Variants in SPTB observed in about 807,000 individuals in gnomAD.
SPTB encodes the protein spectrin beta chain, erythrocytic.
A neutral mutation model predicts 256.2 loss-of-function variants in SPTB; 45 were observed. The ratio of observed to expected loss-of-function variants is 0.18; its 90% CI spans 0.14 to 0.23. The LOEUF is 0.23. Ranked by LOEUF, SPTB falls within the 10% of genes least tolerant of loss-of-function variation. SPTB has a pLI of 1.00. For missense variants in SPTB, 2,715 were observed against 3,040.4 expected, an observed-to-expected ratio of 0.89 and a Z score of 2.52; for synonymous variants, 1,231 against 1,243.1, an observed-to-expected ratio of 0.99 and a Z score of 0.21.
intron 1 of SPTB, among the ~76,000 whole-genome samples, chr14:64,861,718 T>C (rs1318115457): frequency 6.6e-6 from 1 of 152,214 alleles, no homozygotes; most frequent in East Asian, 1.9e-4. Context: ...ATTCATTGTC[T>C]TCTGCTCCTC....
intron 1 of SPTB, among the ~76,000 whole-genome samples, chr14:64,839,039 G>A (rs144276373): frequency 0.017 from 2,651 of 152,062 alleles, 83 homozygotes; most frequent in African/African-American, 0.061. Context: ...AGGCTGAGGC[G>A]GAGAATTGCT....
chr14:64,833,110 C>A (rs1414089320), intron 1 of SPTB, among the ~76,000 whole-genome samples: 1 of 152,222 alleles, frequency 6.6e-6, no homozygotes, highest in Non-Finnish European at 1.5e-5. Flanking sequence ...AATACTACAT[C>A]TAGCCATAGG....
At chr14:64,768,954 C>A in intron 29 of SPTB, 80 bp downstream of exon 29, 1 of 1,156,296 alleles carries the variant, frequency 8.6e-7, no homozygotes, top group Admixed American at 1.7e-5. Context: ...TGAAAATCCA[C>A]CCATTGTGGC....
Position 64,814,138 on chromosome 14 carries a change from A to G in SPTB, c.148+8809T>C, listed in dbSNP as rs185146614. The stretch of plus-strand genomic sequence containing the variant: ...ATGCAAATGCAAGAATAAAACCCAT[A>G]AGACTGATTTTAAAGTGGTCAGAAG... On this transcript the variant is annotated intron_variant, in intron 2 of 35. Transcript: ENST00000644917. Among the ~76,000 whole-genome samples the G allele has an allele frequency of 5.3e-4, 81 of 152,356 alleles. No individual in the cohort carries two copies. In the South Asian group the frequency reaches 5.8e-3, roughly 11 times the overall value.
chr14:64,855,284 C>T (rs1239944655), intron 1 of SPTB, among the ~76,000 whole-genome samples: 2 of 152,180 alleles, frequency 1.3e-5, no homozygotes, highest in African/African-American at 2.4e-5. Flanking sequence ...CTATTCCTCT[C>T]GCAACAGGGT....
At chr14:64,774,341 G>T in intron 24 of SPTB, 56 bp downstream of exon 24, 1 of 1,542,630 alleles carries the variant, frequency 6.5e-7, no homozygotes, top group East Asian at 2.4e-5. Flanking sequence ...GTTGGCTGGT[G>T]GGCCCCTGGC....
In SPTB at chr14:64,749,597, G is replaced by C; in HGVS notation, c.6819+57C>G. 1 of 1,610,864 alleles carries C rather than the reference G, an allele frequency of 6.2e-7. No individual in the cohort carries two copies. Among genetic ancestry groups the C allele is most frequent in the Non-Finnish European group, 8.5e-7 (1 of 1,179,510 alleles). ...AGGGGGCCTCCAGGGCAAGCGGCCT[G>C]GGGTCCTCCACCTACCCCCTTCTTA... On this transcript the variant is annotated intron_variant, in intron 35 of 35. Transcript: ENST00000644917. This position sits in a 1 kb window ranked among gnomAD's most constrained non-coding sequence, Gnocchi z 4.7.
At chr14:64,751,457 C>T (rs2081949402) in intron 33 of SPTB, among the ~76,000 whole-genome samples, 1 of 152,020 alleles carries the variant, frequency 6.6e-6, no homozygotes, top group Admixed American at 6.6e-5. Flanking sequence ...TTTTGAATAG[C>T]TATGTGGAAG....
At position 64,852,788 on chromosome 14, in the gene SPTB, C is replaced by G. The variant is rs1255695601; in HGVS notation, c.-52+27004G>C. Among the ~76,000 whole-genome samples, 1 of 152,192 alleles carries G rather than the reference C, an allele frequency of 6.6e-6. No homozygotes were observed. The highest frequency in any genetic ancestry group is 1.5e-5 in the Non-Finnish European group (1 of 68,026). ...AGTTCAATGGGTCAGAATTTCATAG[C>G]AAGCCCTTACCCTGTGCTCACCATA... On this transcript the variant is annotated intron_variant, in intron 1 of 35. Transcript: ENST00000644917. This position sits in a 1 kb window ranked among gnomAD's most constrained non-coding sequence, Gnocchi z 4.2.
chr14:64,869,034 A>G lies in SPTB; in HGVS notation c.-52+10758T>C, dbSNP rs1349463948. ...TTAAAGATGCAGGATTAAAAAAAAA[A>G]AAAAGAAACGCTGAGAATTAAGAGT... On this transcript the variant is annotated intron_variant, in intron 1 of 35. Coordinates refer to ENST00000644917, the MANE Select transcript of SPTB (RefSeq NM_001355436.2). Among the ~76,000 whole-genome samples, 6 of 152,280 alleles carry G rather than the reference A, an allele frequency of 3.9e-5. No individual in the cohort carries two copies. In the East Asian group the frequency reaches 1.2e-3, roughly 29 times the overall value.
chr14:64,760,559 C>G lies in SPTB; in HGVS notation c.6345+6167G>C, dbSNP rs1292689419. ...GTGAGAACCAGGGCCTGAGGATGCACCCCAGAAACAGGCTGACTGCAGCAA... is the reference window on the plus strand; with the variant it reads ...GTGAGAACCAGGGCCTGAGGATGCAGCCCAGAAACAGGCTGACTGCAGCAA... On this transcript the variant is annotated intron_variant, in intron 32 of 35. Transcript: ENST00000644917. This position sits in a 1 kb window ranked among gnomAD's most constrained non-coding sequence, Gnocchi z 4.3. Among the ~76,000 whole-genome samples the G allele has an allele frequency of 6.6e-6, 1 of 152,178 alleles. No individual in the cohort carries two copies. The highest frequency in any genetic ancestry group is 1.5e-5 in the Non-Finnish European group (1 of 68,040).
intron 1 of SPTB, among the ~76,000 whole-genome samples, chr14:64,830,799 T>C (rs1170679229): frequency 1.3e-5 from 2 of 152,074 alleles, no homozygotes; most frequent in Non-Finnish European, 2.9e-5. Flanking sequence ...GGTGCTGAGC[T>C]CACACTCTCT....
chr14:64,805,117 G>T, intron 2 of SPTB, 27 bp from the exon 3 acceptor site: 1 of 1,614,090 alleles, frequency 6.2e-7, no homozygotes, highest in Non-Finnish European at 8.5e-7. Flanking sequence ...ACCTTGGTGA[G>T]GTGCCTGAGG....
In SPTB at chr14:64,847,266, C is replaced by T. The variant is rs369773874; in HGVS notation, c.-51-24121G>A. Among the ~76,000 whole-genome samples, 21 of 152,202 alleles carry T rather than the reference C, an allele frequency of 1.4e-4. No individual in the cohort carries two copies. The highest frequency in any genetic ancestry group is 1.4e-4 in the African/African-American group (6 of 41,462). ...TTGGCTGTGGTCTTCTTTCCTAAAA[C>T]ACATCAAAGGCCAAAATCCTGGCCA... On this transcript the variant is annotated intron_variant, in intron 1 of 35. Coordinates refer to ENST00000644917, the MANE Select transcript of SPTB (RefSeq NM_001355436.2). This position sits in a 1 kb window ranked among gnomAD's most constrained non-coding sequence, Gnocchi z 5.9.
At chr14:64,754,634 G>C (rs111567917) in intron 32 of SPTB, 4 of 152,818 alleles carry the variant, frequency 2.6e-5, no homozygotes, top group Non-Finnish European at 5.8e-5. Flanking sequence ...AACTGCTGTG[G>C]TCTTTACCTC....
chr14:64,836,719 G>A (rs143459698), intron 1 of SPTB, among the ~76,000 whole-genome samples: 1 of 152,156 alleles, frequency 6.6e-6, no homozygotes, highest in Non-Finnish European at 1.5e-5. Context: ...TAAACTCCTT[G>A]AAGGGAAGGA....
chr14:64,750,243 C>T (rs77740829), intron 33 of SPTB, 89 bp from the exon 34 acceptor site: 80 of 1,358,650 alleles, frequency 5.9e-5, no homozygotes, highest in Non-Finnish European at 7.7e-5. Flanking sequence ...AAAAAAATTA[C>T]ACCATGTTTG....
At chr14:64,836,619 G>A (rs2083527059) in intron 1 of SPTB, among the ~76,000 whole-genome samples, 1 of 152,124 alleles carries the variant, frequency 6.6e-6, no homozygotes, top group African/African-American at 2.4e-5. Context: ...TAACCTCCAA[G>A]TTGAATGACC....
intron 23 of SPTB, 128 bp downstream of exon 23, chr14:64,774,997 G>T: frequency 7.4e-7 from 1 of 1,356,416 alleles, no homozygotes; most frequent in Non-Finnish European, 1.0e-6. Flanking sequence ...GAGTCTGTGG[G>T]TTCCTTGTGC....
Sources: allele counts gnomAD v4.1 joint callset (sites outside exome capture counted in the v4.1 genomes callset), GRCh38; gene constraint gnomAD v4.1.1; non-coding constraint Gnocchi (gnomAD v3.1); transcripts MANE v1.5; gene names NCBI Gene and HGNC (gene_info 2026-07-23, HGNC 2026-07-21).